The following RBP5 variants were observed in gnomAD, a reference collection of about 807,000 sequenced individuals.
The protein encoded by RBP5 is retinol-binding protein 5.
RBP5 carries 12 observed loss-of-function variants against 17.8 expected under a neutral mutation model. That is an observed-to-expected ratio of 0.67 (90% CI 0.43 to 1.09). The LOEUF (loss-of-function observed/expected upper bound fraction) is 1.09. Among genes scored for constraint, RBP5 ranks in the 50% least tolerant of loss-of-function variants. RBP5 has a pLI of 0.00. For missense variants in RBP5, 172 were observed against 169.4 expected (o/e 1.02, Z -0.09); for synonymous variants, 64 against 68.1 (o/e 0.94, Z 0.30).
chr12:7,120,345 A>G (rs1939062959), downstream of RBP5, among the ~76,000 whole-genome samples: 1 of 151,924 alleles, frequency 6.6e-6, no homozygotes, highest in Non-Finnish European at 1.5e-5. Flanking sequence ...AGGTCTGGGG[A>G]GAGGGGGCAG....
chr12:7,121,764 G>C (rs1408585145), downstream of RBP5: 1 of 155,538 alleles, frequency 6.4e-6, no homozygotes, highest in Non-Finnish European at 1.5e-5. Context: ...GGTGGAGTGG[G>C]AGTGGGGCAG....
downstream of RBP5, chr12:7,118,884 T>A (rs982957009): frequency 2.6e-5 from 4 of 153,080 alleles, no homozygotes; most frequent in Non-Finnish European, 4.4e-5. Context: ...GAAGTGTTTT[T>A]AAAAATCATT....
In RBP5 at chr12:7,124,126, T is replaced by G; in HGVS notation, c.403A>C (p.Arg135=). Residue 135 remains arginine (R), a synonymous_variant, in exon 4 of 4, where the codon AGA becomes CGA. Coordinates refer to ENST00000266560, the MANE Select transcript of RBP5 (RefSeq NM_031491.4). This position sits in a 1 kb window ranked among gnomAD's most constrained non-coding sequence, Gnocchi z 5.3. ...AVCEQVFRKV[R] ...GGATCTTGGCTCCTCTCCGGCTATC[T>G]GACCTTCCTGAAGACCTGCTCGCAC... 1 of 1,614,110 alleles carries G rather than the reference T, an allele frequency of 6.2e-7. No homozygotes were observed. Among genetic ancestry groups the G allele is most frequent in the South Asian group, 1.1e-5 (1 of 91,080 alleles).
At chr12:7,119,298 G>A (rs375109081), downstream of RBP5, among the ~76,000 whole-genome samples, 26 of 151,946 alleles carry the variant, frequency 1.7e-4, no homozygotes, top group Admixed American at 9.2e-4. Context: ...CTGTCCCTGC[G>A]TCATCCCTTT....
intron 2 of RBP5, chr12:7,127,859 G>C: frequency 1.6e-6 from 1 of 618,760 alleles, no homozygotes; most frequent in Non-Finnish European, 2.9e-6. Flanking sequence ...TGCAAAGGAG[G>C]CTAAGAAGGA....
chr12:7,128,162 C>A lies in RBP5; in HGVS notation c.252+78G>T. 1 of 1,343,674 alleles carries A rather than the reference C, an allele frequency of 7.4e-7. No homozygotes were observed. The highest frequency in any genetic ancestry group is 1.4e-5 in the South Asian group (1 of 71,586). 83.2% of individuals were successfully genotyped at this position (1,343,674 alleles called of 1,614,324 possible). A position where few individuals can be genotyped will look rare whatever the true frequency, so the allele number is the denominator to read the frequency against. On this transcript the variant is annotated intron_variant, in intron 2 of 3. Coordinates refer to ENST00000266560, the MANE Select transcript of RBP5 (RefSeq NM_031491.4). The surrounding 1 kb of genome is among the most constrained non-coding windows in gnomAD (Gnocchi z 5.3). ...CCCCGCTGCTCTGGCTGGGGAAGGT[C>A]ACTTTGTTTTGCCCCATGTTGTTAG...
Position 7,117,975 on chromosome 12 carries a change from C to T in RBP5, n.890-668G>A, listed in dbSNP as rs1403782943. ...TGCGTCTGTTACATACTGGACTATCCCTTCCTTCAATATGTTCATGGCTGA... is the reference window on the plus strand; with the variant it reads ...TGCGTCTGTTACATACTGGACTATCTCTTCCTTCAATATGTTCATGGCTGA... On this transcript the variant is annotated intron_variant and non_coding_transcript_variant, in intron 3 of 3. Coordinates refer to the RBP5 transcript ENST00000619522. The surrounding 1 kb of genome is among the most constrained non-coding windows in gnomAD (Gnocchi z 4.9). 6.6e-6 allele frequency: 1 copy of T among 152,056 alleles called. No individual in the cohort carries two copies. Among genetic ancestry groups the T allele is most frequent in the East Asian group, 1.9e-4 (1 of 5,190 alleles). The allele number at this position is 152,056 out of a possible 1,614,324, so 9.4% of individuals were successfully genotyped here. A position where few individuals can be genotyped will look rare whatever the true frequency, so the allele number is the denominator to read the frequency against.
Position 7,128,557 on chromosome 12 carries a change from GAA to G in RBP5, c.74-141_74-140del. 1 of 1,188,084 alleles carries G rather than the reference GAA, an allele frequency of 8.4e-7. No individual in the cohort carries two copies. The allele number at this position is 1,188,084 out of a possible 1,614,324, so 73.6% of individuals were successfully genotyped here. A position where few individuals can be genotyped will look rare whatever the true frequency, so the allele number is the denominator to read the frequency against. ...ACCCCCTCCTACCAATGCCTGGTTA[GAA>G]ATGGATCCCAGGTCTGGTGCCAGCC... On this transcript the variant is annotated intron_variant, in intron 1 of 3. Coordinates refer to ENST00000266560, the MANE Select transcript of RBP5 (RefSeq NM_031491.4). This position sits in a 1 kb window ranked among gnomAD's most constrained non-coding sequence, Gnocchi z 5.3.
At chr12:7,118,367 G>C (rs1444950542) in intron 3 of RBP5, 1 of 152,324 alleles carries the variant, frequency 6.6e-6, no homozygotes, top group South Asian at 2.1e-4. Context: ...AAGGTGGATC[G>C]GGACCAGGCC....
rs375155636 is a variant in RBP5 at position 7,128,200 on chromosome 12, A to T, written c.252+40T>A. ...CCCATGTTGTTAGGAGTCTCCTGTG[A>T]TGCCTCCTTCCGGCCACCGCCCAGC... On this transcript the variant is annotated intron_variant, in intron 2 of 3. Transcript: ENST00000266560. The surrounding 1 kb of genome is among the most constrained non-coding windows in gnomAD (Gnocchi z 5.3). 6 of 1,568,426 alleles carry T rather than the reference A, an allele frequency of 3.8e-6. No individual in the cohort carries two copies. In the African/African-American group the frequency reaches 6.7e-5, roughly 18 times the overall value.
chr12:7,127,840 A>G lies in RBP5; in HGVS notation c.252+400T>C, dbSNP rs1008971700. On this transcript the variant is annotated intron_variant, in intron 2 of 3. Transcript: ENST00000266560. ...TCCAGTTTAAAGGATTAATAGGAGG[A>G]CTAGGATCTGCAAAGGAGGCTAAGA... is the stretch of plus-strand genomic sequence containing the variant. 44 of 641,318 alleles carry G rather than the reference A, an allele frequency of 6.9e-5. No homozygotes were observed. The Admixed American group carries it at 1.0e-3, about 15-fold the overall frequency. The allele number at this position is 641,318 out of a possible 1,614,324, so 39.7% of individuals were successfully genotyped here. A position where few individuals can be genotyped will look rare whatever the true frequency, so the allele number is the denominator to read the frequency against.
At chr12:7,127,149 T>A (rs191224524) in intron 2 of RBP5, among the ~76,000 whole-genome samples, 124 of 152,230 alleles carry the variant, frequency 8.1e-4, no homozygotes, top group Admixed American at 3.4e-3. Context: ...TGCGCCACCA[T>A]GCCTGCCTAA....
chr12:7,118,999 G>C (rs1939042962), downstream of RBP5: 1 of 153,028 alleles, frequency 6.5e-6, no homozygotes, highest in Non-Finnish European at 1.5e-5. Flanking sequence ...CTCAAGAAGA[G>C]GGAAGCATGA....
rs1200317735 is a variant in RBP5 at position 7,128,447 on chromosome 12, C to G, written c.74-29G>C. The G allele has an allele frequency of 6.2e-7, 1 of 1,610,348 alleles. No homozygotes were observed. Among genetic ancestry groups the G allele is most frequent in the South Asian group, 1.1e-5 (1 of 90,712 alleles). ...TGGGGGCTGCCTGTTAGTAGGGGTG[C>G]TGCTAGCCAGCCAGGAGCTCCTCTG... On this transcript the variant is annotated intron_variant, in intron 1 of 3. Transcript: ENST00000266560. The surrounding 1 kb of genome is among the most constrained non-coding windows in gnomAD (Gnocchi z 5.3).
chr12:7,126,543 G>C (rs1939168250), intron 2 of RBP5, among the ~76,000 whole-genome samples: 1 of 145,180 alleles, frequency 6.9e-6, no homozygotes, highest in African/African-American at 2.5e-5. Context: ...GTGTGTGTGT[G>C]TGTGTGTGTG....
Position 7,128,168 on chromosome 12 carries a change from G to T in RBP5, c.252+72C>A. On this transcript the variant is annotated intron_variant, in intron 2 of 3. Coordinates refer to ENST00000266560, the MANE Select transcript of RBP5 (RefSeq NM_031491.4). The surrounding 1 kb of genome is among the most constrained non-coding windows in gnomAD (Gnocchi z 5.3). ...TGCTCTGGCTGGGGAAGGTCACTTTGTTTTGCCCCATGTTGTTAGGAGTCT... is the reference window on the plus strand; with the variant it reads ...TGCTCTGGCTGGGGAAGGTCACTTTTTTTTGCCCCATGTTGTTAGGAGTCT... 7.1e-7 allele frequency: 1 copy of T among 1,415,182 alleles called. No individual in the cohort carries two copies. Among genetic ancestry groups the T allele is most frequent in the Non-Finnish European group, 9.6e-7 (1 of 1,037,158 alleles). The allele number at this position is 1,415,182 out of a possible 1,614,324, so 87.7% of individuals were successfully genotyped here. A position where few individuals can be genotyped will look rare whatever the true frequency, so the allele number is the denominator to read the frequency against.
rs757935115 is a variant in RBP5 at position 7,128,318 on chromosome 12, G to C, written c.174C>G (p.Phe58Leu). 1 of 1,614,166 alleles carries C rather than the reference G, an allele frequency of 6.2e-7. No individual in the cohort carries two copies. Among genetic ancestry groups the C allele is most frequent in the South Asian group, 1.1e-5 (1 of 91,076 alleles). The change falls in exon 2 of 4, where the codon TTC becomes TTG. Residue 58 changes from phenylalanine (F) to leucine (L), a missense_variant. By Grantham distance (22) the Phe-to-Leu change is conservative. Transcript: ENST00000266560. This position sits in a 1 kb window ranked among gnomAD's most constrained non-coding sequence, Gnocchi z 5.3. Reference sequence around the variant, plus strand: ...CATCAAACTGCACAGTGTAGTTTCGGAAGGTGCTGAGCGTCCTCACCGTCA... The same window carrying C: ...CATCAAACTGCACAGTGTAGTTTCGCAAGGTGCTGAGCGTCCTCACCGTCA... ...NHMTVRTLST[F>L]RNYTVQFDVG...
At chr12:7,127,412 G>A (rs1006138772) in intron 2 of RBP5, 3 of 413,416 alleles carry the variant, frequency 7.3e-6, no homozygotes, top group Non-Finnish European at 1.3e-5. Context: ...TTATGGGTGT[G>A]AGCCACCACG....
chr12:7,129,010 G>A (rs1939229117), upstream of RBP5: 1 of 493,772 alleles, frequency 2.0e-6, no homozygotes, highest in African/African-American at 2.0e-5. The surrounding 1 kb of genome is among the most constrained non-coding windows in gnomAD (Gnocchi z 5.5). Context: ...GCCTGAAGGA[G>A]GGGCAGGGAT....
Sources: allele counts gnomAD v4.1 joint callset (sites outside exome capture counted in the v4.1 genomes callset), GRCh38; gene constraint gnomAD v4.1.1; non-coding constraint Gnocchi (gnomAD v3.1); transcripts MANE v1.5; gene names NCBI Gene and HGNC (gene_info 2026-07-23, HGNC 2026-07-21).